Variants in PDZD2 observed in about 807,000 individuals in gnomAD.
The protein encoded by PDZD2 is PDZ domain-containing protein 2.
PDZD2 carries 90 observed loss-of-function variants against 220.7 expected under a neutral mutation model. The ratio of observed to expected loss-of-function variants is 0.41; its 90% CI spans 0.34 to 0.49. The LOEUF is 0.49. Ranked by LOEUF, PDZD2 falls within the 20% of genes least tolerant of loss-of-function variation. The pLI, the probability that PDZD2 is intolerant of heterozygous loss-of-function variation, is 0.28. For missense variants in PDZD2, 3,174 were observed against 3,608.5 expected (o/e 0.88, Z 3.08); for synonymous variants, 1,375 against 1,450.5 (o/e 0.95, Z 1.18).
At chr5:31,873,739 C>CTTTTTTT (rs112360135) in intron 2 of PDZD2, among the ~76,000 whole-genome samples, 1 of 145,104 alleles carries the variant, frequency 6.9e-6, no homozygotes, top group Admixed American at 6.9e-5. Flanking sequence ...AGTCTTGAGT[C>CTTTTTTT]TTTTTTTTTT....
At chr5:31,779,575 A>G (rs111380219) in intron 1 of PDZD2, among the ~76,000 whole-genome samples, 6,801 of 151,712 alleles carry the variant, frequency 0.045, 496 homozygotes, top group African/African-American at 0.15. Context: ...GGGTTTCACC[A>G]TGTTAGCCAG....
rs748017374 is a variant in PDZD2 at position 32,090,308 on chromosome 5, C to T, written c.6860C>T (p.Ser2287Leu). The change falls in exon 20 of 25, where the codon TCG becomes TTG. Residue 2287 changes from serine (S) to leucine (L), a missense_variant. By Grantham distance (145) the Ser-to-Leu change is moderately radical. Coordinates refer to ENST00000438447, the MANE Select transcript of PDZD2 (RefSeq NM_178140.4). The surrounding 1 kb of genome is among the most constrained non-coding windows in gnomAD (Gnocchi z 4.3). Reference protein sequence around the residue: ...IYSVKPLLDTSRNLPATDEGD... With the variant: ...IYSVKPLLDTLRNLPATDEGD... Reference sequence around the variant, plus strand: ...AGTGTAAAGCCGCTGCTGGACACATCGAGGAATCTTCCAGCCACAGATGAA... The same window carrying T: ...AGTGTAAAGCCGCTGCTGGACACATTGAGGAATCTTCCAGCCACAGATGAA... 20 of 1,614,048 alleles carry T rather than the reference C, an allele frequency of 1.2e-5. No homozygotes were observed. The highest frequency in any genetic ancestry group is 1.6e-4 in the Middle Eastern group (1 of 6,084).
intron 1 of PDZD2, among the ~76,000 whole-genome samples, chr5:31,777,028 G>A (rs1472839432): frequency 6.6e-6 from 1 of 152,242 alleles, no homozygotes; most frequent in East Asian, 1.9e-4. Context: ...TCAGCCCACC[G>A]CTGCACTGTG....
chr5:31,708,900 T>C (rs1747953516), intron 1 of PDZD2, among the ~76,000 whole-genome samples: 1 of 151,656 alleles, frequency 6.6e-6, no homozygotes, highest in African/African-American at 2.4e-5. Flanking sequence ...TTTTTTTTAA[T>C]TTTTTTAGAT....
intron 2 of PDZD2, among the ~76,000 whole-genome samples, chr5:31,805,286 C>T (rs1754650025): frequency 6.6e-6 from 1 of 152,226 alleles, no homozygotes; most frequent in South Asian, 2.1e-4. Flanking sequence ...ACTAGAAGCA[C>T]TTTGCAATTT....
intron 5 of PDZD2, among the ~76,000 whole-genome samples, chr5:32,004,987 C>T (rs1047422606): frequency 1.3e-5 from 2 of 152,176 alleles, no homozygotes; most frequent in Admixed American, 6.5e-5. Context: ...CTCCATTTTA[C>T]AATTAGGCAC....
intron 1 of PDZD2, among the ~76,000 whole-genome samples, chr5:31,671,582 A>G (rs1351362211): frequency 1.3e-5 from 2 of 152,134 alleles, no homozygotes; most frequent in Non-Finnish European, 1.5e-5. Context: ...CCCCACATGC[A>G]CTAGTGCGGC....
At chr5:32,076,240 C>T (rs1478645311) in intron 18 of PDZD2, among the ~76,000 whole-genome samples, 1 of 140,096 alleles carries the variant, frequency 7.1e-6, no homozygotes, top group Non-Finnish European at 1.5e-5. Context: ...GAGCTGAGAT[C>T]GTGCCACTGT....
intron 2 of PDZD2, among the ~76,000 whole-genome samples, chr5:31,810,931 G>C (rs1480828026): frequency 6.6e-6 from 1 of 152,192 alleles, no homozygotes; most frequent in East Asian, 1.9e-4. Context: ...CAAAGATTTT[G>C]AGGATGAGAG....
At chr5:31,788,537 C>A (rs1753517676) in intron 1 of PDZD2, among the ~76,000 whole-genome samples, 1 of 151,556 alleles carries the variant, frequency 6.6e-6, no homozygotes, top group Non-Finnish European at 1.5e-5. Context: ...TGGTGGCGGG[C>A]GCCTGTAGTC....
rs1321668323 is a variant in PDZD2 at position 32,001,510 on chromosome 5, C to G, written c.1254+1239C>G. 2.0e-5 allele frequency among the ~76,000 whole-genome samples: 3 copies of G among 152,076 alleles called. No individual in the cohort carries two copies. In the East Asian group the frequency reaches 5.8e-4, roughly 29 times the overall value. ...TGATGCCATCAGCAGCGCCAGGACC[C>G]GGGCCCTAACGCCCAGCCCAGTGTC... On this transcript the variant is annotated intron_variant, in intron 5 of 24. Transcript: ENST00000438447.
chr5:32,074,384 C>T lies in PDZD2; in HGVS notation c.3278C>T (p.Thr1093Ile), dbSNP rs1380446624. The T allele has an allele frequency of 4.3e-6, 7 of 1,614,200 alleles. No individual in the cohort carries two copies. Among genetic ancestry groups the T allele is most frequent in the Middle Eastern group, 1.6e-4 (1 of 6,062 alleles). The change falls in exon 18 of 25, where the codon ACA becomes ATA. Residue 1093 changes from threonine to isoleucine, a missense_variant. Transcript: ENST00000438447. The part of the protein sequence containing the change: ...SAPKLEYTVR[T>I]DTQSPTNTGS... ...CCCAAATTGGAATACACAGTCCGTA[C>T]AGACACCCAGAGTCCGACGAACACT... is the stretch of plus-strand genomic sequence containing the variant.
At chr5:31,735,997 T>G (rs968627475) in intron 1 of PDZD2, among the ~76,000 whole-genome samples, 10 of 151,912 alleles carry the variant, frequency 6.6e-5, no homozygotes, top group African/African-American at 2.4e-4. Flanking sequence ...CACAAAGGAA[T>G]TCTAAGGTGA....
chr5:31,994,251 C>T (rs528157100), intron 3 of PDZD2, among the ~76,000 whole-genome samples: 37 of 152,056 alleles, frequency 2.4e-4, no homozygotes, highest in South Asian at 1.5e-3. Context: ...TGGTGATCCC[C>T]CCACCTTGGC....
At chr5:32,016,575 C>A (rs1170234774) in intron 6 of PDZD2, among the ~76,000 whole-genome samples, 1 of 152,162 alleles carries the variant, frequency 6.6e-6, no homozygotes, top group Non-Finnish European at 1.5e-5. Flanking sequence ...GCATGTTCTT[C>A]CCCTGAGGCC....
At chr5:31,727,170 C>T (rs1749197179) in intron 1 of PDZD2, among the ~76,000 whole-genome samples, 1 of 152,170 alleles carries the variant, frequency 6.6e-6, no homozygotes. Context: ...CTGGGGATTA[C>T]ATTTTAATAT....
chr5:31,888,307 C>T (rs1283475928), intron 2 of PDZD2, among the ~76,000 whole-genome samples: 1 of 152,172 alleles, frequency 6.6e-6, no homozygotes, highest in Admixed American at 6.6e-5. Flanking sequence ...ATTCTCCTGC[C>T]TCAGCCTCCT....
intron 2 of PDZD2, among the ~76,000 whole-genome samples, chr5:31,951,494 T>G (rs1187360069): frequency 6.6e-6 from 1 of 152,216 alleles, no homozygotes; most frequent in Admixed American, 6.5e-5. Flanking sequence ...ACATAAGAAT[T>G]TGGGGAGACA....
chr5:31,655,425 C>G (rs1745510058), intron 1 of PDZD2, among the ~76,000 whole-genome samples: 1 of 152,180 alleles, frequency 6.6e-6, no homozygotes, highest in African/African-American at 2.4e-5. Context: ...GCCCTCCTGG[C>G]CTCCCAAAGC....
Sources: gnomAD v4.1 joint callset for allele counts (sites outside exome capture counted in the v4.1 genomes callset) on GRCh38, gnomAD v4.1.1 for gene constraint, Gnocchi (gnomAD v3.1) non-coding constraint, MANE v1.5 for transcripts, NCBI Gene and HGNC (gene_info 2026-07-23, HGNC 2026-07-21) for gene names.